Variants in FBXL7 observed in about 807,000 individuals in gnomAD.
The protein encoded by FBXL7 is F-box/LRR-repeat protein 7.
Under a neutral mutation model 38.3 loss-of-function variants are expected in FBXL7, and 12 were observed. That is an observed-to-expected ratio of 0.31 (90% CI 0.20 to 0.51). The LOEUF (loss-of-function observed/expected upper bound fraction) is 0.51. FBXL7 is among the 20% of genes least tolerant of loss of function. The pLI, the probability that FBXL7 is intolerant of heterozygous loss-of-function variation, is 0.98. For synonymous variants in FBXL7, 297 were observed against 300.9 expected, an observed-to-expected ratio of 0.99 and a Z score of 0.13; for missense variants, 567 against 676.4, an observed-to-expected ratio of 0.84 and a Z score of 1.79.
chr5:15,858,566 A>G (rs781368935), intron 2 of FBXL7, among the ~76,000 whole-genome samples: 10 of 152,136 alleles, frequency 6.6e-5, no homozygotes, highest in Non-Finnish European at 1.5e-4. Context: ...GATGTCCATA[A>G]ATTTTATTTG....
intron 1 of FBXL7, among the ~76,000 whole-genome samples, chr5:15,591,561 C>T (rs1739475951): frequency 2.6e-5 from 4 of 152,010 alleles, no homozygotes; most frequent in African/African-American, 9.7e-5. Flanking sequence ...AAATGGAAGG[C>T]CTAGGACCAA....
chr5:15,699,338 A>G (rs1284222312), intron 2 of FBXL7, among the ~76,000 whole-genome samples: 1 of 152,032 alleles, frequency 6.6e-6, no homozygotes, highest in African/African-American at 2.4e-5. Flanking sequence ...GTGGGTAGCG[A>G]CCTTCCCTGC....
At chr5:15,864,658 G>A (rs1025667268) in intron 2 of FBXL7, among the ~76,000 whole-genome samples, 5 of 152,144 alleles carry the variant, frequency 3.3e-5, no homozygotes, top group African/African-American at 1.2e-4. Context: ...CTTAACACAA[G>A]TGTCACAGAA....
At chr5:15,881,474 C>T (rs1166840170) in intron 2 of FBXL7, among the ~76,000 whole-genome samples, 1 of 152,148 alleles carries the variant, frequency 6.6e-6, no homozygotes, top group African/African-American at 2.4e-5. Context: ...GCAGATTATG[C>T]TGCTATAAAT....
At chr5:15,715,973 G>A (rs906267924) in intron 2 of FBXL7, among the ~76,000 whole-genome samples, 2 of 152,318 alleles carry the variant, frequency 1.3e-5, no homozygotes, top group South Asian at 2.1e-4. Flanking sequence ...TCCTAGAGGT[G>A]TAAATGGTAG....
chr5:15,809,429 AAG>A (rs1737798298), intron 2 of FBXL7, among the ~76,000 whole-genome samples: 1 of 152,222 alleles, frequency 6.6e-6, no homozygotes, highest in African/African-American at 2.4e-5. Context: ...TACAAAAAGT[AAG>A]AGAGAAGACC....
intron 1 of FBXL7, among the ~76,000 whole-genome samples, chr5:15,537,529 C>A (rs1737619608): frequency 6.6e-6 from 1 of 152,236 alleles, no homozygotes; most frequent in Admixed American, 6.5e-5. Flanking sequence ...AGCCGTTCTT[C>A]CCCATCCCCT....
intron 1 of FBXL7, among the ~76,000 whole-genome samples, chr5:15,524,002 A>C (rs1935110898): frequency 6.6e-6 from 1 of 152,204 alleles, no homozygotes. Context: ...CATTTGCCAT[A>C]GTTAATTTGG....
intron 2 of FBXL7, among the ~76,000 whole-genome samples, chr5:15,689,165 A>G (rs766526132): frequency 5.3e-5 from 8 of 151,924 alleles, no homozygotes; most frequent in Non-Finnish European, 7.4e-5. Context: ...GCTGGCCTGC[A>G]TGTCACACTG....
At chr5:15,655,089 A>G (rs1239443651) in intron 2 of FBXL7, among the ~76,000 whole-genome samples, 1 of 152,228 alleles carries the variant, frequency 6.6e-6, no homozygotes, top group Non-Finnish European at 1.5e-5. Context: ...ATAGCTACCA[A>G]TCTCTGCACA....
At chr5:15,862,018 T>G (rs537611085) in intron 2 of FBXL7, among the ~76,000 whole-genome samples, 1 of 152,250 alleles carries the variant, frequency 6.6e-6, no homozygotes, top group Admixed American at 6.5e-5. Context: ...AAATTAAACT[T>G]ATGGAAAGAG....
chr5:15,599,896 G>T (rs1739741256), intron 1 of FBXL7, among the ~76,000 whole-genome samples: 1 of 152,136 alleles, frequency 6.6e-6, no homozygotes, highest in Non-Finnish European at 1.5e-5. Context: ...TATGACAGGT[G>T]GGGAAGCATA....
At chr5:15,661,290 T>C in intron 2 of FBXL7, among the ~76,000 whole-genome samples, 1 of 152,178 alleles carries the variant, frequency 6.6e-6, no homozygotes, top group Non-Finnish European at 1.5e-5. Flanking sequence ...TTAGTTCTAA[T>C]AGGTTTTTTT....
At chr5:15,670,527 G>A (rs761950351) in intron 2 of FBXL7, among the ~76,000 whole-genome samples, 21 of 152,150 alleles carry the variant, frequency 1.4e-4, no homozygotes, top group South Asian at 2.1e-4. Flanking sequence ...TAGGCCAGGC[G>A]TGGTGGCTCA....
intron 2 of FBXL7, among the ~76,000 whole-genome samples, chr5:15,855,056 AT>A (rs1269273042): frequency 5.3e-5 from 8 of 152,214 alleles, no homozygotes; most frequent in African/African-American, 1.9e-4. Flanking sequence ...CCTTTGCAGA[AT>A]TTAGTTGACC....
At chr5:15,826,226 A>G (rs1477903528) in intron 2 of FBXL7, among the ~76,000 whole-genome samples, 1 of 152,212 alleles carries the variant, frequency 6.6e-6, no homozygotes, top group Non-Finnish European at 1.5e-5. Flanking sequence ...ACAGCTTAAC[A>G]TGAAAATACT....
chr5:15,747,923 T>C (rs898474296), intron 2 of FBXL7, among the ~76,000 whole-genome samples: 10 of 152,366 alleles, frequency 6.6e-5, no homozygotes, highest in Admixed American at 4.6e-4. Flanking sequence ...TCTAATACTT[T>C]GCTGGTAATT....
intron 2 of FBXL7, among the ~76,000 whole-genome samples, chr5:15,738,097 A>T (rs1380127490): frequency 1.3e-5 from 2 of 152,168 alleles, no homozygotes; most frequent in Non-Finnish European, 2.9e-5. Context: ...GCACCGTAGA[A>T]CACATTCTAC....
intron 2 of FBXL7, among the ~76,000 whole-genome samples, chr5:15,793,121 G>A (rs1163918566): frequency 2.0e-5 from 3 of 152,150 alleles, no homozygotes; most frequent in African/African-American, 7.2e-5. Context: ...GCCTTCCCCT[G>A]GTGCAGTGCG....
Sources: gnomAD v4.1 joint callset for allele counts (sites outside exome capture counted in the v4.1 genomes callset) on GRCh38, gnomAD v4.1.1 for gene constraint, MANE v1.5 for transcripts, NCBI Gene and HGNC (gene_info 2026-07-23, HGNC 2026-07-21) for gene names.